MTF1: variants seen among roughly 807,000 people sequenced by gnomAD.
The protein encoded by MTF1 is MRE-binding transcription factor.
Under a neutral mutation model 70.4 loss-of-function variants are expected in MTF1, and 22 were observed. The observed-to-expected ratio is 0.31, with a 90% CI of 0.22 to 0.45. The LOEUF is 0.45. Among genes scored for constraint, MTF1 ranks in the 20% least tolerant of loss-of-function variants. The probability of loss-of-function intolerance (pLI) is 1.00; values close to 1 mark genes in which losing one functional copy is unlikely to be tolerated. For synonymous variants in MTF1, 333 were observed against 352.8 expected, an observed-to-expected ratio of 0.94 and a Z score of 0.63; for missense variants, 649 against 922.0, an observed-to-expected ratio of 0.70 and a Z score of 3.83.
chr1:37,816,792 G>A (rs1347219129), intron 10 of MTF1, among the ~76,000 whole-genome samples: 1 of 152,182 alleles, frequency 6.6e-6, no homozygotes, highest in Non-Finnish European at 1.5e-5. Context: ...AACTCAGGAG[G>A]CCCAGGCTGC....
Position 37,857,458 on chromosome 1 carries a change from G to C in MTF1, c.201C>G (p.Cys67Trp). 1 of 1,614,134 alleles carries C rather than the reference G, an allele frequency of 6.2e-7. No homozygotes were observed. Among genetic ancestry groups the C allele is most frequent in the Non-Finnish European group, 8.5e-7 (1 of 1,180,018 alleles). ...TLEDEDDDGQ[C>W]GEHLPFLVGG... The stretch of plus-strand genomic sequence containing the variant: ...CTACTAGAAAAGGCAAGTGTTCTCC[G>C]CACTGTCCGTCGTCATCTTCATCCT... The change falls in exon 2 of 11, where the codon TGC becomes TGG. Residue 67 changes from cysteine (C) to tryptophan (W), a missense_variant. Cys to Trp is a radical substitution (Grantham distance 215, BLOSUM62 -2). Coordinates refer to ENST00000373036, the MANE Select transcript of MTF1 (RefSeq NM_005955.3).
intron 7 of MTF1, chr1:37,828,094 T>C: frequency 5.6e-6 from 2 of 355,702 alleles, no homozygotes; most frequent in East Asian, 8.2e-5. Flanking sequence ...TGTAATAATA[T>C]GGCTTAATTT....
intron 2 of MTF1, among the ~76,000 whole-genome samples, chr1:37,843,282 T>G (rs1321431475): frequency 6.6e-6 from 1 of 151,646 alleles, no homozygotes; most frequent in Non-Finnish European, 1.5e-5. Flanking sequence ...ACTACAGGGT[T>G]AAGCCACCAC....
chr1:37,857,851 T>G (rs1641523239), intron 1 of MTF1, 142 bp from the exon 2 acceptor site: 1 of 599,970 alleles, frequency 1.7e-6, no homozygotes, highest in Non-Finnish European at 2.9e-6. Flanking sequence ...TTTTTTTATT[T>G]TAACTTTAAA....
rs534629831 is a variant in MTF1, at chr1:37,849,681, T to G, written c.408+7570A>C. On this transcript the variant is annotated intron_variant, in intron 2 of 10. Transcript: ENST00000373036. ...AGGTAACTAGACCGTCCTGGCAGGT[T>G]CTATGGAAGGGCACAGATTCAAGAA... Among the ~76,000 whole-genome samples, 4 of 152,166 alleles carry G rather than the reference T, an allele frequency of 2.6e-5. No homozygotes were observed. The South Asian group carries it at 8.3e-4, about 32-fold the overall frequency.
At chr1:37,850,958 G>GA (rs919860553) in intron 2 of MTF1, among the ~76,000 whole-genome samples, 15 of 151,214 alleles carry the variant, frequency 9.9e-5, no homozygotes, top group African/African-American at 2.9e-4. Flanking sequence ...AAACCAAGCT[G>GA]AAAAAAAACG....
chr1:37,823,933 C>T (rs1476514810), intron 7 of MTF1, 121 bp from the exon 8 acceptor site: 1 of 695,510 alleles, frequency 1.4e-6, no homozygotes, highest in Non-Finnish European at 2.5e-6. Flanking sequence ...TTGTTTCTAC[C>T]TTCTGCTATT....
chr1:37,814,229 G>A lies in MTF1; in HGVS notation c.*907C>T, dbSNP rs1640782592. On this transcript the variant is annotated 3_prime_UTR_variant, in exon 11 of 11. Coordinates refer to ENST00000373036, the MANE Select transcript of MTF1 (RefSeq NM_005955.3). ...AAGCAAAATGCAGCCCTTCTGCTCTGAGGAAGAAAATACCATTAAAAAGAA... is the reference window on the plus strand; with the variant it reads ...AAGCAAAATGCAGCCCTTCTGCTCTAAGGAAGAAAATACCATTAAAAAGAA... The A allele has an allele frequency of 6.6e-6, 1 of 152,118 alleles. No individual in the cohort carries two copies. The highest frequency in any genetic ancestry group is 2.1e-4 in the South Asian group (1 of 4,814). 9.4% of individuals were successfully genotyped at this position (152,118 alleles called of 1,614,324 possible). A position where few individuals can be genotyped will look rare whatever the true frequency, so the allele number is the denominator to read the frequency against.
At position 37,815,571 on chromosome 1, in the gene MTF1, G is replaced by C; in HGVS notation, c.1832-5C>G. ...CAATCTGCTGGACAGAGCTCCCTGC[G>C]AGAGAGGCAAGAGAGACTGCTCTTC... On this transcript the variant is annotated splice_polypyrimidine_tract_variant and splice_region_variant and intron_variant, in intron 10 of 10. Transcript: ENST00000373036. The surrounding 1 kb of genome is among the most constrained non-coding windows in gnomAD (Gnocchi z 4.5). The C allele has an allele frequency of 2.6e-6, 4 of 1,523,786 alleles. No homozygotes were observed. The highest frequency in any genetic ancestry group is 3.5e-6 in the Non-Finnish European group (4 of 1,138,550). The allele number at this position is 1,523,786 out of a possible 1,614,324, so 94.4% of individuals were successfully genotyped here.
chr1:37,839,876 AGG>A, intron 3 of MTF1, 42 bp downstream of exon 3: 1 of 1,484,988 alleles, frequency 6.7e-7, no homozygotes. Context: ...CATCACAACA[AGG>A]TCAAGGTCAG....
intron 7 of MTF1, among the ~76,000 whole-genome samples, chr1:37,831,816 A>G (rs1469374626): frequency 6.6e-6 from 1 of 152,164 alleles, no homozygotes; most frequent in Non-Finnish European, 1.5e-5. Context: ...ATTAAAATGA[A>G]AAAGGAAAAG....
chr1:37,834,257 T>C (rs1450422922), intron 6 of MTF1, among the ~76,000 whole-genome samples: 1 of 151,914 alleles, frequency 6.6e-6, no homozygotes, highest in Non-Finnish European at 1.5e-5. Flanking sequence ...GTAGATGAGA[T>C]CAGAGAAGCA....
chr1:37,845,680 T>G (rs1047668659), intron 2 of MTF1, among the ~76,000 whole-genome samples: 2 of 152,094 alleles, frequency 1.3e-5, no homozygotes, highest in African/African-American at 2.4e-5. Context: ...AATTTTTGTA[T>G]TTTTTGTAGA....
chr1:37,855,094 G>A lies in MTF1; in HGVS notation c.408+2157C>T, dbSNP rs566023300. On this transcript the variant is annotated intron_variant, in intron 2 of 10. Transcript: ENST00000373036. ...AGAAAAAAAGGACCTTGGAAAACTG[G>A]AATTCATATAATCAAAGGTGACTAG... 1.1e-4 allele frequency among the ~76,000 whole-genome samples: 17 copies of A among 152,170 alleles called. No individual in the cohort carries two copies. In the South Asian group the frequency reaches 3.1e-3, roughly 28 times the overall value.
At position 37,829,099 on chromosome 1, in the gene MTF1, C is replaced by G. The variant is rs1038522371; in HGVS notation, c.1068+3146G>C. Among the ~76,000 whole-genome samples the G allele has an allele frequency of 2.0e-5, 3 of 150,612 alleles. No individual in the cohort carries two copies. The East Asian group carries it at 5.9e-4, about 30-fold the overall frequency. Reference sequence around the variant, plus strand: ...ATATAAATTTACTATTTGATTTTAACAAGTCCTGATTCTCTCTTTTTTTTC... The same window carrying G: ...ATATAAATTTACTATTTGATTTTAAGAAGTCCTGATTCTCTCTTTTTTTTC... On this transcript the variant is annotated intron_variant, in intron 7 of 10. Transcript: ENST00000373036.
chr1:37,826,699 C>A, intron 7 of MTF1: 1 of 407,300 alleles, frequency 2.5e-6, no homozygotes, highest in Non-Finnish European at 4.9e-6. Flanking sequence ...TTATGTGAGG[C>A]CAGGCGCAGT....
At chr1:37,848,404 A>G (rs1641364406) in intron 2 of MTF1, among the ~76,000 whole-genome samples, 1 of 152,270 alleles carries the variant, frequency 6.6e-6, no homozygotes, top group African/African-American at 2.4e-5. Flanking sequence ...AGTACATAAC[A>G]GAACAAAGCT....
intron 2 of MTF1, among the ~76,000 whole-genome samples, chr1:37,856,672 G>A (rs1641501878): frequency 6.7e-6 from 1 of 149,944 alleles, no homozygotes; most frequent in African/African-American, 2.5e-5. Flanking sequence ...GCTAATTTTT[G>A]TATTTTTAGC....
Position 37,812,185 on chromosome 1 carries a change from C to T in MTF1, c.*2951G>A, listed in dbSNP as rs1410595759. On this transcript the variant is annotated 3_prime_UTR_variant, in exon 11 of 11. Transcript: ENST00000373036. Reference sequence around the variant, plus strand: ...TTCTACAAATCCTCCCTAACCTCACCCTAGGTTCATTTCCCAAGTTTGGGA... The same window carrying T: ...TTCTACAAATCCTCCCTAACCTCACTCTAGGTTCATTTCCCAAGTTTGGGA... 2 of 152,200 alleles carry T rather than the reference C, an allele frequency of 1.3e-5. No individual in the cohort carries two copies. The highest frequency in any genetic ancestry group is 2.9e-5 in the Non-Finnish European group (2 of 68,030). The allele number at this position is 152,200 out of a possible 1,614,324, so 9.4% of individuals were successfully genotyped here.
Sources: allele counts gnomAD v4.1 joint callset (sites outside exome capture counted in the v4.1 genomes callset), GRCh38; gene constraint gnomAD v4.1.1; non-coding constraint Gnocchi (gnomAD v3.1); transcripts MANE v1.5; gene names NCBI Gene and HGNC (gene_info 2026-07-23, HGNC 2026-07-21).